SMAP2: variants seen among roughly 807,000 people sequenced by gnomAD.
SMAP2 encodes the protein small ArfGAP2, also known as stromal membrane-associated protein 2.
Under a neutral mutation model 56.4 loss-of-function variants are expected in SMAP2, and 25 were observed. The ratio of observed to expected loss-of-function variants is 0.44; its 90% CI spans 0.32 to 0.62. The LOEUF (loss-of-function observed/expected upper bound fraction) is 0.62, where lower values mean the gene tolerates loss of function less well. Ranked by LOEUF, SMAP2 falls within the 20% of genes least tolerant of loss-of-function variation. SMAP2 has a pLI of 0.04. For synonymous variants in SMAP2, 157 were observed against 181.7 expected (o/e 0.86, Z 1.09); for missense variants, 388 against 545.6 (o/e 0.71, Z 2.88).
At chr1:40,358,572 A>T (rs1179500067) in intron 1 of SMAP2, among the ~76,000 whole-genome samples, 1 of 152,100 alleles carries the variant, frequency 6.6e-6, no homozygotes, top group East Asian at 1.9e-4. Flanking sequence ...AAACACACAC[A>T]AAGTGCTGGG....
intron 1 of SMAP2, among the ~76,000 whole-genome samples, chr1:40,404,697 A>T (rs1342804950): frequency 6.6e-6 from 1 of 152,268 alleles, no homozygotes; most frequent in African/African-American, 2.4e-5. Flanking sequence ...TTTAAGAAAC[A>T]TGAAATATTA....
intron 1 of SMAP2, among the ~76,000 whole-genome samples, chr1:40,391,852 A>G (rs1644720650): frequency 6.6e-6 from 1 of 152,186 alleles, no homozygotes; most frequent in Non-Finnish European, 1.5e-5. Flanking sequence ...GCAAAGAGGA[A>G]GTTAAACTGA....
chr1:40,347,925 T>A (rs950592155), intron 1 of SMAP2, among the ~76,000 whole-genome samples: 1 of 152,114 alleles, frequency 6.6e-6, no homozygotes, highest in Non-Finnish European at 1.5e-5. Flanking sequence ...AAATTTTTGG[T>A]CATTTATTCT....
At chr1:40,378,223 C>T (rs552820914) in intron 1 of SMAP2, among the ~76,000 whole-genome samples, 3 of 152,314 alleles carry the variant, frequency 2.0e-5, no homozygotes, top group Non-Finnish European at 2.9e-5. Flanking sequence ...CTCCTGGGCT[C>T]AAGCTGTCCT....
intron 1 of SMAP2, among the ~76,000 whole-genome samples, chr1:40,405,404 G>A (rs1387012955): frequency 6.6e-6 from 1 of 152,162 alleles, no homozygotes; most frequent in Non-Finnish European, 1.5e-5. Context: ...CAGGAGGATC[G>A]CTTGAGCCCA....
Position 40,422,463 on chromosome 1 carries a change from T to C in SMAP2, c.*362T>C. The C allele has an allele frequency of 4.4e-6, 1 of 229,018 alleles. No individual in the cohort carries two copies. The highest frequency in any genetic ancestry group is 4.7e-5 in the Admixed American group (1 of 21,092). The allele number at this position is 229,018 out of a possible 1,614,324, so 14.2% of individuals were successfully genotyped here. On this transcript the variant is annotated 3_prime_UTR_variant, in exon 10 of 10. Transcript: ENST00000372718. Reference sequence around the variant, plus strand: ...CTCTCAGAAGGGTCTGTGGGTGTTGTATATTAGGCAAACAGGGGAAAGCTT... The same window carrying C: ...CTCTCAGAAGGGTCTGTGGGTGTTGCATATTAGGCAAACAGGGGAAAGCTT...
At chr1:40,382,847 T>C (rs746175776) in intron 1 of SMAP2, among the ~76,000 whole-genome samples, 2 of 152,208 alleles carry the variant, frequency 1.3e-5, no homozygotes, top group Non-Finnish European at 2.9e-5. Context: ...CAGACCAGGC[T>C]CTCAGTAAAT....
At chr1:40,393,638 C>T in intron 1 of SMAP2, 1 of 757,342 alleles carries the variant, frequency 1.3e-6, no homozygotes, top group Non-Finnish European at 2.1e-6. Context: ...CTCCACCTCC[C>T]AGGTTCAAGC....
intron 1 of SMAP2, among the ~76,000 whole-genome samples, chr1:40,349,780 A>G (rs1644402924): frequency 1.3e-5 from 2 of 152,140 alleles, no homozygotes; most frequent in Admixed American, 6.5e-5. Flanking sequence ...CGGCCTCCCA[A>G]AGTGCTTGTA....
intron 1 of SMAP2, among the ~76,000 whole-genome samples, chr1:40,396,458 T>C (rs897174395): frequency 6.6e-6 from 1 of 152,248 alleles, no homozygotes; most frequent in Admixed American, 6.5e-5. Context: ...ACCTTTATTC[T>C]CTAACCAGTC....
intron 1 of SMAP2, among the ~76,000 whole-genome samples, chr1:40,359,821 T>C (rs1296227903): frequency 6.6e-6 from 1 of 152,150 alleles, no homozygotes; most frequent in Non-Finnish European, 1.5e-5. Context: ...CTCAACACTT[T>C]ATCCCCCTCC....
At chr1:40,415,875 G>A (rs994147393) in intron 7 of SMAP2, among the ~76,000 whole-genome samples, 24 of 152,298 alleles carry the variant, frequency 1.6e-4, no homozygotes, top group Middle Eastern at 3.4e-3. Context: ...ACTAGCCTGT[G>A]GTTATACTAG....
At chr1:40,418,666 A>G (rs1458956199) in intron 9 of SMAP2, among the ~76,000 whole-genome samples, 1 of 152,194 alleles carries the variant, frequency 6.6e-6, no homozygotes, top group Non-Finnish European at 1.5e-5. Context: ...ACCCACAAAA[A>G]TCTGTTACTT....
chr1:40,402,950 TG>T (rs1457720215), intron 1 of SMAP2, among the ~76,000 whole-genome samples: 1 of 152,138 alleles, frequency 6.6e-6, no homozygotes, highest in Non-Finnish European at 1.5e-5. Context: ...TTGACAGCCT[TG>T]GGCCTTCTTT....
intron 1 of SMAP2, among the ~76,000 whole-genome samples, chr1:40,379,501 T>C (rs1644575104): frequency 6.6e-6 from 1 of 151,858 alleles, no homozygotes; most frequent in Non-Finnish European, 1.5e-5. Flanking sequence ...GACCAAGTTA[T>C]CTTGACTAAG....
rs779691899 is a variant in SMAP2, at chr1:40,408,660, A to G, written c.245A>G (p.Gln82Arg). ...CATTCTCTTTGGTCACAGTGCATGC[A>G]AGAGATGGGAAATGGAAAGGCAAAC... is the stretch of plus-strand genomic sequence containing the variant. Reference protein sequence around the residue: ...QWTQEQIQCMQEMGNGKANRL... With the variant: ...QWTQEQIQCMREMGNGKANRL... The change falls in exon 3 of 10, where the codon CAA (glutamine) becomes CGA (arginine). Residue 82 changes from glutamine (Q) to arginine (R), a missense_variant. By Grantham distance (43) the Gln-to-Arg change is conservative. Transcript: ENST00000372718. This position sits in a 1 kb window ranked among gnomAD's most constrained non-coding sequence, Gnocchi z 4.3. 5.0e-6 allele frequency: 8 copies of G among 1,613,664 alleles called. No individual in the cohort carries two copies. The highest frequency in any genetic ancestry group is 6.8e-6 in the Non-Finnish European group (8 of 1,179,716).
intron 1 of SMAP2, among the ~76,000 whole-genome samples, chr1:40,402,568 G>A (rs1488625503): frequency 1.3e-5 from 2 of 151,884 alleles, no homozygotes; most frequent in East Asian, 1.9e-4. Context: ...TCCTGCCTCA[G>A]CCTCCCCAGT....
intron 1 of SMAP2, among the ~76,000 whole-genome samples, chr1:40,389,338 T>C (rs1430943524): frequency 1.3e-5 from 2 of 152,054 alleles, no homozygotes; most frequent in Admixed American, 1.3e-4. Context: ...GCCCTCAGAC[T>C]GGAGATGAGG....
At chr1:40,356,305 T>C (rs1045781482) in intron 1 of SMAP2, among the ~76,000 whole-genome samples, 5 of 152,162 alleles carry the variant, frequency 3.3e-5, no homozygotes, top group Non-Finnish European at 5.9e-5. Context: ...AGTGCAGATA[T>C]CCCCTCGATA....
Sources: allele counts gnomAD v4.1 joint callset (sites outside exome capture counted in the v4.1 genomes callset), GRCh38; gene constraint gnomAD v4.1.1; non-coding constraint Gnocchi (gnomAD v3.1); transcripts MANE v1.5; gene names NCBI Gene and HGNC (gene_info 2026-07-23, HGNC 2026-07-21).